Variants in PIR observed in about 807,000 individuals in gnomAD.
PIR encodes the protein pirin.
PIR carries 22 observed loss-of-function variants against 24.2 expected under a neutral mutation model. The ratio of observed to expected loss-of-function variants is 0.91; its 90% confidence interval spans 0.65 to 1.30. PIR has a LOEUF of 1.30. Among genes scored for constraint, PIR ranks in the 50% most tolerant of loss-of-function variants. The probability of loss-of-function intolerance (pLI) is 0.00; values close to 1 mark genes in which losing one functional copy is unlikely to be tolerated. For missense variants in PIR, 220 were observed against 220.3 expected (o/e 1.00, Z 0.01); for synonymous variants, 80 against 79.6 (o/e 1.00, Z -0.03).
chrX:15,403,780 C>T (rs1220762295), intron 7 of PIR, among the ~76,000 whole-genome samples: 1 of 110,916 alleles, frequency 9.0e-6, no homozygotes, highest in Non-Finnish European at 1.9e-5. Context: ...TTAAGAAGAT[C>T]CTTGAAAAGC....
chrX:15,406,559 C>T (rs963345763), intron 7 of PIR, among the ~76,000 whole-genome samples: 3 of 111,800 alleles, frequency 2.7e-5, no homozygotes, highest in African/African-American at 9.8e-5. Context: ...GAAAAGCCTT[C>T]AAGCAAAGTG....
intron 3 of PIR, among the ~76,000 whole-genome samples, chrX:15,478,824 T>C (rs1326473346): frequency 9.0e-6 from 1 of 111,209 alleles, no homozygotes; most frequent in Non-Finnish European, 1.9e-5. Flanking sequence ...CACCCTAACA[T>C]ACAAAAGATC....
chrX:15,452,700 C>T (rs1920979365), intron 5 of PIR, among the ~76,000 whole-genome samples: 1 of 112,164 alleles, frequency 8.9e-6, no homozygotes, highest in Non-Finnish European at 1.9e-5. Flanking sequence ...ACCCATTATG[C>T]ATGTTCCAAA....
At chrX:15,473,911 C>A (rs1428595013) in intron 3 of PIR, among the ~76,000 whole-genome samples, 1 of 112,588 alleles carries the variant, frequency 8.9e-6, no homozygotes, top group Non-Finnish European at 1.9e-5. Flanking sequence ...ATAAGCCTTT[C>A]TTCTTACTTT....
At chrX:15,462,955 T>C (rs920237480) in intron 3 of PIR, among the ~76,000 whole-genome samples, 1 of 112,138 alleles carries the variant, frequency 8.9e-6, no homozygotes, top group Non-Finnish European at 1.9e-5. Context: ...GCTTATATTC[T>C]CATGAGGAAG....
At chrX:15,467,399 C>A (rs956324944) in intron 3 of PIR, among the ~76,000 whole-genome samples, 16 of 112,612 alleles carry the variant, frequency 1.4e-4, no homozygotes, top group African/African-American at 4.8e-4. Context: ...GGAGAAATCC[C>A]ATGACAATTG....
chrX:15,462,181 G>A (rs1022201415), intron 3 of PIR, among the ~76,000 whole-genome samples: 19 of 112,077 alleles, frequency 1.7e-4, no homozygotes, highest in African/African-American at 6.2e-4. Context: ...CTCATTTTAA[G>A]GCTATAGTGA....
chrX:15,448,759 C>T (rs1402727721), intron 5 of PIR, among the ~76,000 whole-genome samples: 3 of 111,980 alleles, frequency 2.7e-5, no homozygotes, highest in Non-Finnish European at 5.6e-5. Flanking sequence ...CAAGCCATTA[C>T]AAGACGTGAT....
At chrX:15,416,200 T>C (rs1490934611) in intron 6 of PIR, among the ~76,000 whole-genome samples, 1 of 112,000 alleles carries the variant, frequency 8.9e-6, no homozygotes, top group Admixed American at 9.5e-5. Flanking sequence ...GTTATGTATA[T>C]ATTCTAAGTA....
intron 5 of PIR, among the ~76,000 whole-genome samples, chrX:15,446,879 G>T (rs1161075931): frequency 8.9e-6 from 1 of 111,810 alleles, no homozygotes; most frequent in Non-Finnish European, 1.9e-5. Context: ...CTAAGCCAAA[G>T]GAATACTGAA....
At chrX:15,410,341 G>A (rs989867488) in intron 6 of PIR, among the ~76,000 whole-genome samples, 3 of 112,228 alleles carry the variant, frequency 2.7e-5, no homozygotes, top group African/African-American at 9.7e-5. Context: ...AAAACATAGA[G>A]AAGTAACTCA....
chrX:15,389,639 G>A (rs1479347027), intron 9 of PIR, among the ~76,000 whole-genome samples: 3 of 111,625 alleles, frequency 2.7e-5, no homozygotes, highest in Admixed American at 9.5e-5. Flanking sequence ...TGAAGTAATC[G>A]TTATGGGTAC....
At chrX:15,420,892 A>G (rs234495) in intron 6 of PIR, among the ~76,000 whole-genome samples, 33,296 of 110,705 alleles carry the variant, frequency 0.3, 4,367 homozygotes, top group East Asian at 0.51. Context: ...GATTTCCATG[A>G]GTATTTTTCA....
chrX:15,397,670 T>G (rs1424881140), intron 7 of PIR, 139 bp from the exon 8 acceptor site: 12 of 432,362 alleles, frequency 2.8e-5, no homozygotes, highest in Non-Finnish European at 3.2e-5. Context: ...CTTGAATCTC[T>G]TGGTTAATTA....
At chrX:15,406,445 A>G (rs1239984234) in intron 7 of PIR, among the ~76,000 whole-genome samples, 1 of 111,928 alleles carries the variant, frequency 8.9e-6, no homozygotes, top group Non-Finnish European at 1.9e-5. Context: ...AAACTAGTAA[A>G]TGGCTTTTCA....
intron 8 of PIR, among the ~76,000 whole-genome samples, chrX:15,396,349 T>C (rs1021972837): frequency 9.0e-6 from 1 of 111,714 alleles, no homozygotes; most frequent in Admixed American, 9.5e-5. Context: ...GCCAGAAAAG[T>C]GGGCTAAGAT....
chrX:15,423,692 A>G (rs989415190), intron 6 of PIR, among the ~76,000 whole-genome samples: 7 of 112,018 alleles, frequency 6.2e-5, no homozygotes, highest in African/African-American at 2.3e-4. Context: ...CAAGGGATGA[A>G]TAACCAGAAT....
chrX:15,457,740 G>C (rs1477181098), intron 4 of PIR, among the ~76,000 whole-genome samples: 2 of 112,251 alleles, frequency 1.8e-5, no homozygotes, highest in East Asian at 5.6e-4. Context: ...TTTCTTCCAT[G>C]AAGTCTAGAT....
At chrX:15,413,193 C>G (rs980440099) in intron 6 of PIR, among the ~76,000 whole-genome samples, 1 of 111,460 alleles carries the variant, frequency 9.0e-6, no homozygotes, top group African/African-American at 3.3e-5. Flanking sequence ...TCTTCTTTTT[C>G]CACTTTCCTT....
Sources: gnomAD v4.1 joint callset for allele counts (sites outside exome capture counted in the v4.1 genomes callset) on GRCh38, gnomAD v4.1.1 for gene constraint, MANE v1.5 for transcripts, NCBI Gene and HGNC (gene_info 2026-07-23, HGNC 2026-07-21) for gene names.